The following SNTG1 variants were observed in gnomAD, a reference collection of about 807,000 sequenced individuals.
The protein encoded by SNTG1 is gamma-1-syntrophin.
A neutral mutation model predicts 74.7 loss-of-function variants in SNTG1; 39 were observed. That is an observed-to-expected ratio of 0.52 (90% confidence interval 0.40 to 0.68). SNTG1 has a LOEUF of 0.68. SNTG1 is among the 30% of genes least tolerant of loss of function. The probability of loss-of-function intolerance (pLI) is 0.00; values close to 1 mark genes in which losing one functional copy is unlikely to be tolerated. For synonymous variants in SNTG1, 254 were observed against 217.1 expected, an observed-to-expected ratio of 1.17 and a Z score of -1.49; for missense variants, 685 against 609.5, an observed-to-expected ratio of 1.12 and a Z score of -1.30.
intron 4 of SNTG1, among the ~76,000 whole-genome samples, chr8:50,436,947 G>A (rs1447529471): frequency 6.6e-6 from 1 of 152,038 alleles, no homozygotes; most frequent in Non-Finnish European, 1.5e-5. Flanking sequence ...CATTCCTGGG[G>A]TAATGCAACA....
intron 9 of SNTG1, among the ~76,000 whole-genome samples, chr8:50,512,453 A>G (rs199630628): frequency 6.6e-6 from 1 of 151,836 alleles, no homozygotes; most frequent in Non-Finnish European, 1.5e-5. Context: ...CTGAATTTGA[A>G]TGTTGGCCTG....
chr8:50,087,131 C>G lies in SNTG1; in HGVS notation c.-102-85430C>G, dbSNP rs75281552. 8.4e-3 allele frequency among the ~76,000 whole-genome samples: 1,275 copies of G among 152,254 alleles called. 26 individuals are homozygous for G. The highest frequency in any genetic ancestry group is 0.029 in the African/African-American group (1,204 of 41,546). On this transcript the variant is annotated intron_variant, in intron 1 of 18. Transcript: ENST00000642720. ...TGAAATAAGTGAGAGATTATCATGT[C>G]TATTTTTTAACAGCCCTCTGTGATT... is the stretch of plus-strand genomic sequence containing the variant.
intron 1 of SNTG1, among the ~76,000 whole-genome samples, chr8:49,934,307 CTATCT>C (rs1239721461): frequency 6.6e-6 from 1 of 151,816 alleles, no homozygotes; most frequent in Non-Finnish European, 1.5e-5. Context: ...ATCTATCTAT[CTATCT>C]ATCTATCTAT....
In SNTG1 at chr8:50,353,710, C is replaced by G. The variant is rs908380717; in HGVS notation, c.-27-40502C>G. On this transcript the variant is annotated intron_variant, in intron 2 of 18. Transcript: ENST00000642720. ...GTTGTTTCCCCACAATGGGCCAAGG[C>G]CAGAAACCATTTCTTTTCATTCATA... Among the ~76,000 whole-genome samples, 28 of 152,108 alleles carry G rather than the reference C, an allele frequency of 1.8e-4. 1 individual carries two copies. The highest frequency in any genetic ancestry group is 1.6e-3 in the Admixed American group (25 of 15,274).
chr8:50,124,397 T>C lies in SNTG1; in HGVS notation c.-102-48164T>C, dbSNP rs1182944903. Among the ~76,000 whole-genome samples, 3 of 142,442 alleles carry C rather than the reference T, an allele frequency of 2.1e-5. No homozygotes were observed. In the South Asian group the frequency reaches 7.8e-4, roughly 37 times the overall value. 93.4% of individuals were successfully genotyped at this position (142,442 alleles called of 152,430 possible). ...GGCCTAGCAAACTAAAACACCTTCT[T>C]AGCATGTGAATAGTATTGCTGCTAA... On this transcript the variant is annotated intron_variant, in intron 1 of 18. Coordinates refer to ENST00000642720, the MANE Select transcript of SNTG1 (RefSeq NM_018967.5).
At chr8:50,693,030 G>A (rs888829819) in intron 15 of SNTG1, among the ~76,000 whole-genome samples, 8 of 152,252 alleles carry the variant, frequency 5.3e-5, no homozygotes, top group East Asian at 1.9e-4. Flanking sequence ...GCAAGACTCC[G>A]TGGGCATAGG....
intron 1 of SNTG1, among the ~76,000 whole-genome samples, chr8:50,125,549 T>C (rs557545479): frequency 1.4e-5 from 2 of 142,232 alleles, no homozygotes; most frequent in African/African-American, 5.1e-5. Context: ...ATGATTTTTT[T>C]AATAAGCACA....
intron 1 of SNTG1, among the ~76,000 whole-genome samples, chr8:50,098,001 G>A (rs1184866248): frequency 1.3e-5 from 2 of 152,096 alleles, no homozygotes; most frequent in Non-Finnish European, 2.9e-5. Flanking sequence ...TGTGTGAAAA[G>A]CAATTGAATT....
intron 2 of SNTG1, among the ~76,000 whole-genome samples, chr8:50,188,191 T>A (rs2083450213): frequency 6.6e-6 from 1 of 152,198 alleles, no homozygotes; most frequent in African/African-American, 2.4e-5. Flanking sequence ...CAGTGAGGTC[T>A]ACCCACATGC....
chr8:50,056,247 T>C (rs1410541184), intron 1 of SNTG1, among the ~76,000 whole-genome samples: 1 of 152,090 alleles, frequency 6.6e-6, no homozygotes, highest in African/African-American at 2.4e-5. Context: ...TGTCCTACTA[T>C]GTTCCACAGA....
intron 13 of SNTG1, among the ~76,000 whole-genome samples, chr8:50,634,832 C>T (rs959857813): frequency 7.2e-5 from 11 of 152,236 alleles, no homozygotes; most frequent in South Asian, 6.2e-4. Context: ...TATAAACATC[C>T]TCATCTCTGT....
intron 17 of SNTG1, among the ~76,000 whole-genome samples, chr8:50,730,921 G>A (rs1309476948): frequency 5.3e-5 from 8 of 152,066 alleles, no homozygotes; most frequent in Non-Finnish European, 8.8e-5. Context: ...AATCTACAAA[G>A]CGATTTTATG....
chr8:50,307,773 A>T (rs1457612822), intron 2 of SNTG1, among the ~76,000 whole-genome samples: 1 of 151,394 alleles, frequency 6.6e-6, no homozygotes, highest in East Asian at 1.9e-4. Context: ...TTCAATTATA[A>T]CTTCTTTCTG....
intron 2 of SNTG1, among the ~76,000 whole-genome samples, chr8:50,245,009 T>A (rs968982428): frequency 7.9e-5 from 12 of 152,206 alleles, no homozygotes; most frequent in African/African-American, 2.9e-4. Flanking sequence ...TTTTTTCCAT[T>A]ATCATTCTTG....
intron 1 of SNTG1, among the ~76,000 whole-genome samples, chr8:49,969,938 G>GTGTGTT (rs1195740923): frequency 6.6e-6 from 1 of 151,958 alleles, no homozygotes; most frequent in African/African-American, 2.4e-5. Context: ...GTGTGTGTGT[G>GTGTGTT]TGTGTGTGTT....
intron 5 of SNTG1, among the ~76,000 whole-genome samples, chr8:50,440,906 G>T (rs965917696): frequency 2.0e-5 from 3 of 152,016 alleles, no homozygotes; most frequent in African/African-American, 4.8e-5. Context: ...CTTTAAAAAA[G>T]AAAAAAACTT....
At chr8:50,292,236 G>A (rs574785298) in intron 2 of SNTG1, among the ~76,000 whole-genome samples, 28 of 152,106 alleles carry the variant, frequency 1.8e-4, no homozygotes, top group Admixed American at 1.8e-3. Context: ...AAGACAGGGT[G>A]TTCCAGGTTG....
chr8:50,328,404 C>A (rs1209553086), intron 2 of SNTG1, among the ~76,000 whole-genome samples: 3 of 152,034 alleles, frequency 2.0e-5, no homozygotes, highest in Non-Finnish European at 4.4e-5. Context: ...AAAGTAATAC[C>A]CGAGACTGGG....
At chr8:50,333,663 C>T (rs2091042550) in intron 2 of SNTG1, among the ~76,000 whole-genome samples, 1 of 152,228 alleles carries the variant, frequency 6.6e-6, no homozygotes, top group Admixed American at 6.5e-5. Context: ...ACTTCTCTCG[C>T]TTGAGTTCCC....
Sources: gnomAD v4.1 joint callset for allele counts (sites outside exome capture counted in the v4.1 genomes callset) on GRCh38, gnomAD v4.1.1 for gene constraint, MANE v1.5 for transcripts, NCBI Gene and HGNC (gene_info 2026-07-23, HGNC 2026-07-21) for gene names.